PVT1: variants seen among roughly 807,000 people sequenced by gnomAD.
PVT1 encodes the protein Pvt1 oncogene.
intron 3 of PVT1, among the ~76,000 whole-genome samples, chr8:127,905,995 TA>T (rs1815815219): frequency 6.6e-6 from 1 of 152,224 alleles, no homozygotes; most frequent in African/African-American, 2.4e-5. Flanking sequence ...GAGGTTTCAG[TA>T]AGATACATTT....
chr8:127,980,621 T>A (rs1816872296), intron 3 of PVT1, among the ~76,000 whole-genome samples: 1 of 152,126 alleles, frequency 6.6e-6, no homozygotes, highest in African/African-American at 2.4e-5. Context: ...TTCACTTACC[T>A]TCATTGACGT....
In PVT1 at chr8:128,057,542, G is replaced by T. The variant is rs558973763; in HGVS notation, n.913-12618G>T. On this transcript the variant is annotated intron_variant and non_coding_transcript_variant, in intron 4 of 10. Coordinates refer to ENST00000651587, the Ensembl canonical transcript of PVT1. ...TCTTTGGGGTTACAAACAAGCACCA[G>T]AAAGTCAGGAGCCACCCTGGCACTG... Among the ~76,000 whole-genome samples, 9 of 152,314 alleles carry T rather than the reference G, an allele frequency of 5.9e-5. No homozygotes were observed. In the East Asian group the frequency reaches 1.7e-3, roughly 29 times the overall value.
intron 3 of PVT1, among the ~76,000 whole-genome samples, chr8:127,964,635 G>A (rs1183322827): frequency 2.6e-5 from 4 of 152,074 alleles, no homozygotes; most frequent in African/African-American, 4.8e-5. Flanking sequence ...AGGTGCTAAG[G>A]GACACCCTTT....
chr8:127,808,058 G>A (rs999406715), intron 2 of PVT1, among the ~76,000 whole-genome samples: 5 of 150,814 alleles, frequency 3.3e-5, no homozygotes, highest in Non-Finnish European at 7.4e-5. Flanking sequence ...GTGAGCCACC[G>A]GGCCCGGCTG....
chr8:128,054,304 T>C (rs1290685790), intron 4 of PVT1, among the ~76,000 whole-genome samples: 1 of 130,420 alleles, frequency 7.7e-6, no homozygotes, highest in East Asian at 2.4e-4. Context: ...AAAATGGGAT[T>C]TGTTAGATTT....
intron 2 of PVT1, among the ~76,000 whole-genome samples, chr8:127,845,793 C>T (rs756924021): frequency 1.3e-5 from 2 of 152,122 alleles, no homozygotes; most frequent in African/African-American, 4.8e-5. Flanking sequence ...TCCTGTTTTC[C>T]CATCCACAGC....
intron 2 of PVT1, among the ~76,000 whole-genome samples, chr8:127,838,623 T>C (rs1286729405): frequency 6.6e-6 from 1 of 152,198 alleles, no homozygotes; most frequent in Non-Finnish European, 1.5e-5. Flanking sequence ...GAGAATCACT[T>C]GAACTCGGGA....
At chr8:127,873,356 T>G (rs1815372310) in intron 2 of PVT1, among the ~76,000 whole-genome samples, 1 of 152,186 alleles carries the variant, frequency 6.6e-6, no homozygotes. Flanking sequence ...TTAACCTTAT[T>G]TGGAAAATGA....
At chr8:128,068,222 A>G (rs1302008005) in intron 4 of PVT1, among the ~76,000 whole-genome samples, 1 of 151,434 alleles carries the variant, frequency 6.6e-6, no homozygotes. Flanking sequence ...CTTCTTTCCC[A>G]GGAGGCTTTA....
chr8:127,964,224 G>A (rs1020835608), intron 3 of PVT1, among the ~76,000 whole-genome samples: 2 of 152,262 alleles, frequency 1.3e-5, no homozygotes, highest in Non-Finnish European at 2.9e-5. Flanking sequence ...ATTCCCAGAT[G>A]TTCGGTGGTG....
chr8:127,959,203 T>A (rs1431827329), intron 3 of PVT1, among the ~76,000 whole-genome samples: 3 of 152,196 alleles, frequency 2.0e-5, no homozygotes, highest in African/African-American at 4.8e-5. Context: ...TTGCTTCCTG[T>A]CTTATGTTTT....
intron 3 of PVT1, chr8:127,947,399 G>A (rs1264079885): frequency 2.1e-5 from 5 of 242,246 alleles, no homozygotes; most frequent in Non-Finnish European, 4.2e-5. Flanking sequence ...ACGGAACCAC[G>A]AACAAGCCGT....
intron 2 of PVT1, among the ~76,000 whole-genome samples, chr8:127,827,905 A>G (rs574833931): frequency 3.3e-5 from 5 of 152,082 alleles, no homozygotes; most frequent in Admixed American, 2.0e-4. Context: ...CCGTTGTAAC[A>G]TCTGGTGAGC....
intron 4 of PVT1, among the ~76,000 whole-genome samples, chr8:128,059,983 G>A (rs375123548): frequency 1.6e-4 from 24 of 152,234 alleles, no homozygotes; most frequent in East Asian, 7.7e-4. Flanking sequence ...GAGGCTGGGC[G>A]TGGTGGCTCA....
At chr8:128,040,527 A>G (rs1813518100) in intron 4 of PVT1, among the ~76,000 whole-genome samples, 1 of 151,692 alleles carries the variant, frequency 6.6e-6, no homozygotes, top group African/African-American at 2.4e-5. Flanking sequence ...AACACATGGA[A>G]GAAAGGGATA....
intron 2 of PVT1, among the ~76,000 whole-genome samples, chr8:127,842,609 G>T (rs1273367972): frequency 6.6e-6 from 1 of 151,904 alleles, no homozygotes; most frequent in Admixed American, 6.6e-5. Flanking sequence ...AGCAACTCTG[G>T]ACTCCACAGA....
chr8:128,095,669 A>G (rs1814418740), intron 5 of PVT1, among the ~76,000 whole-genome samples: 1 of 152,198 alleles, frequency 6.6e-6, no homozygotes, highest in Non-Finnish European at 1.5e-5. Flanking sequence ...AGCCTAAAAT[A>G]TATATTGTCT....
chr8:127,833,022 A>C (rs544933087), intron 2 of PVT1, among the ~76,000 whole-genome samples: 4 of 152,234 alleles, frequency 2.6e-5, no homozygotes, highest in Non-Finnish European at 5.9e-5. Flanking sequence ...TTTGAGAGGA[A>C]TCTCCCCCCA....
At chr8:128,083,103 C>T (rs139164408) in intron 5 of PVT1, among the ~76,000 whole-genome samples, 35 of 152,254 alleles carry the variant, frequency 2.3e-4, no homozygotes, top group Middle Eastern at 3.4e-3. Context: ...GGCTCTGTGG[C>T]GTGACTTTAG....
Sources: allele counts gnomAD v4.1 joint callset (sites outside exome capture counted in the v4.1 genomes callset), GRCh38; gene constraint gnomAD v4.1.1; transcripts MANE v1.5; gene names NCBI Gene and HGNC (gene_info 2026-07-23, HGNC 2026-07-21).